Variants in PAXBP1 observed in about 807,000 individuals in gnomAD.
The protein encoded by PAXBP1 is PAX3- and PAX7-binding protein 1.
In PAXBP1, 44 loss-of-function variants were observed where a neutral mutation model predicts 119.9. The ratio of observed to expected loss-of-function variants is 0.37; its 90% confidence interval spans 0.29 to 0.47. The LOEUF (loss-of-function observed/expected upper bound fraction) is 0.47, where lower values mean the gene tolerates loss of function less well. PAXBP1 is among the 20% of genes least tolerant of loss of function. The probability of loss-of-function intolerance (pLI) is 0.99; values close to 1 mark genes in which losing one functional copy is unlikely to be tolerated. For synonymous variants in PAXBP1, 393 were observed against 406.6 expected (o/e 0.97, Z 0.40); for missense variants, 898 against 1,134.1 (o/e 0.79, Z 2.99).
intron 13 of PAXBP1, among the ~76,000 whole-genome samples, chr21:32,744,260 T>TA (rs762993580): frequency 0.24 from 13,513 of 56,836 alleles, 847 homozygotes; most frequent in Middle Eastern, 0.28. Context: ...GCTGATGAGC[T>TA]AAAAAAAAAA....
At chr21:32,755,127 TAAAAAA>T in intron 8 of PAXBP1, 97 bp downstream of exon 8, 2 of 985,788 alleles carry the variant, frequency 2.0e-6, no homozygotes, top group African/African-American at 1.8e-5. Context: ...ATTGTTTCTT[TAAAAAA>T]AAAAAAAAAA....
intron 15 of PAXBP1, among the ~76,000 whole-genome samples, chr21:32,741,186 T>C (rs1036887859): frequency 1.3e-5 from 2 of 152,218 alleles, no homozygotes; most frequent in African/African-American, 4.8e-5. Flanking sequence ...TTCACCCAAA[T>C]GAAATGAAAC....
chr21:32,750,906 A>G lies in PAXBP1; in HGVS notation c.1723+11T>C. ...CTGATGATGAGTCTTATTTCCAAATAAATGTCTAACCTTTTTCCAGATTGA... is the reference window on the plus strand; with the variant it reads ...CTGATGATGAGTCTTATTTCCAAATGAATGTCTAACCTTTTTCCAGATTGA... On this transcript the variant is annotated intron_variant, in intron 10 of 17. Transcript: ENST00000331923. 6.3e-7 allele frequency: 1 copy of G among 1,586,572 alleles called. No individual in the cohort carries two copies. The highest frequency in any genetic ancestry group is 8.6e-7 in the Non-Finnish European group (1 of 1,160,246).
intron 7 of PAXBP1, among the ~76,000 whole-genome samples, chr21:32,757,075 A>G (rs1238925667): frequency 6.6e-6 from 1 of 152,226 alleles, no homozygotes; most frequent in African/African-American, 2.4e-5. Flanking sequence ...ACAGGGAAAC[A>G]AAAACAATGG....
In PAXBP1 at chr21:32,738,250, C is replaced by A; in HGVS notation, c.2404G>T (p.Gly802Cys). The A allele has an allele frequency of 6.2e-7, 1 of 1,602,542 alleles. No individual in the cohort carries two copies. Among genetic ancestry groups the A allele is most frequent in the African/African-American group, 1.3e-5 (1 of 74,376 alleles). Residue 802 changes from glycine to cysteine, a missense_variant, in exon 16 of 18, where the codon GGT becomes TGT. Transcript: ENST00000331923. Reference sequence around the variant, plus strand: ...ATGAGAATATATCGATTTAATAAACCATCTATTGATAACTCTTGCAGAGTT... The same window carrying A: ...ATGAGAATATATCGATTTAATAAACAATCTATTGATAACTCTTGCAGAGTT... Reference protein sequence around the residue: ...NKTLQELSIDGLLNRYILMAF... With the variant: ...NKTLQELSIDCLLNRYILMAF...
chr21:32,759,791 T>C lies in PAXBP1; in HGVS notation c.1179A>G (p.Lys393=), dbSNP rs910092458. 4.3e-6 allele frequency: 7 copies of C among 1,613,426 alleles called. No homozygotes were observed. In the African/African-American group the frequency reaches 5.3e-5, roughly 12 times the overall value. Residue 393 remains lysine (K), a synonymous_variant, in exon 6 of 18, where the codon AAA becomes AAG. Transcript: ENST00000331923. ...ATCTGCCCTACCTGTCTTTAAGCTGTTTCTTTACCAAATCAATAGTAACGG... is the reference window on the plus strand; with the variant it reads ...ATCTGCCCTACCTGTCTTTAAGCTGCTTCTTTACCAAATCAATAGTAACGG... ...MTPVTIDLVK[K]QLKDRLDSMK... is the part of the protein sequence containing the mutation.
At chr21:32,748,212 T>A (rs2043903759) in intron 11 of PAXBP1, among the ~76,000 whole-genome samples, 1 of 152,158 alleles carries the variant, frequency 6.6e-6, no homozygotes, top group Non-Finnish European at 1.5e-5. Flanking sequence ...ACTATTCATG[T>A]TCATATCCCA....
chr21:32,736,806 T>G (rs1049898710), intron 17 of PAXBP1, among the ~76,000 whole-genome samples: 8 of 152,216 alleles, frequency 5.3e-5, no homozygotes, highest in Non-Finnish European at 1.2e-4. Flanking sequence ...TCACTCACTC[T>G]TTTCTTACAA....
chr21:32,748,819 G>A lies in PAXBP1; in HGVS notation c.1724-121C>T, dbSNP rs1021057312. 141 of 773,042 alleles carry A rather than the reference G, an allele frequency of 1.8e-4. No individual in the cohort carries two copies. In the Middle Eastern group the frequency reaches 2.8e-3, roughly 15 times the overall value. 47.9% of individuals were successfully genotyped at this position (773,042 alleles called of 1,614,324 possible). On this transcript the variant is annotated intron_variant, in intron 10 of 17. Transcript: ENST00000331923. ...TCAGAAGATACGCTCATTAACAAAG[G>A]GCCAATTGTTAGTCACAATTTAGAA... is the stretch of plus-strand genomic sequence containing the variant.
At chr21:32,742,087 G>A (rs2043794993) in intron 15 of PAXBP1, among the ~76,000 whole-genome samples, 1 of 152,104 alleles carries the variant, frequency 6.6e-6, no homozygotes. Context: ...AGGGGCTTGT[G>A]GTGACCTTGA....
At chr21:32,754,096 A>G (rs2044005570) in intron 8 of PAXBP1, among the ~76,000 whole-genome samples, 1 of 152,188 alleles carries the variant, frequency 6.6e-6, no homozygotes, top group South Asian at 2.1e-4. Flanking sequence ...AGACTACCTC[A>G]GCTATGAGGG....
chr21:32,754,259 C>T (rs936473137), intron 8 of PAXBP1, among the ~76,000 whole-genome samples: 5 of 152,246 alleles, frequency 3.3e-5, no homozygotes, highest in South Asian at 4.1e-4. Context: ...CATTTGATCA[C>T]CTGGAGAGAT....
intron 15 of PAXBP1, chr21:32,743,012 A>G (rs1189878726): frequency 1.6e-6 from 1 of 618,620 alleles, no homozygotes. Context: ...TGGCTTAGTC[A>G]GGCATTTCGT....
Position 32,739,938 on chromosome 21 carries a change from T to TAAAAA in PAXBP1, c.2335-1624_2335-1620dup, listed in dbSNP as rs756477858. Among the ~76,000 whole-genome samples the TAAAAA allele has an allele frequency of 6.4e-3, 300 of 47,018 alleles. 17 individuals carry two copies. The highest frequency in any genetic ancestry group is 0.024 in the African/African-American group (262 of 10,960). 30.8% of individuals were successfully genotyped at this position (47,018 alleles called of 152,430 possible). A position where few individuals can be genotyped will look rare whatever the true frequency, so the allele number is the denominator to read the frequency against. ...TAGGCAACACAAGACCTCGTCTCTT[T>TAAAAA]AAAAAAAAAAAAAAAAAAAAAAAAA... On this transcript the variant is annotated intron_variant, in intron 15 of 17. Transcript: ENST00000331923.
intron 14 of PAXBP1, 26 bp from the exon 15 acceptor site, chr21:32,743,340 C>T (rs1569155911): frequency 2.1e-6 from 3 of 1,445,314 alleles, no homozygotes; most frequent in African/African-American, 2.9e-5. Flanking sequence ...AGAAACATAT[C>T]ATGATCAGAT....
chr21:32,761,634 A>G (rs1275468912), intron 4 of PAXBP1, among the ~76,000 whole-genome samples: 18 of 152,248 alleles, frequency 1.2e-4, no homozygotes. Flanking sequence ...TTACTTGACT[A>G]TAATATCAAA....
chr21:32,741,449 T>C, intron 15 of PAXBP1: 3 of 664,176 alleles, frequency 4.5e-6, no homozygotes, highest in Admixed American at 2.1e-5. Flanking sequence ...ATGTTTAGGT[T>C]TAACGAAATA....
At chr21:32,750,779 T>C (rs552683811) in intron 10 of PAXBP1, 138 bp downstream of exon 10, 2 of 627,816 alleles carry the variant, frequency 3.2e-6, no homozygotes, top group South Asian at 2.2e-5. Flanking sequence ...TAAAAAGGCA[T>C]GCAAATTTCT....
Position 32,759,459 on chromosome 21 carries a change from T to G in PAXBP1, c.1194-190A>C, listed in dbSNP as rs563604421. The G allele has an allele frequency of 2.3e-4, 159 of 686,608 alleles. No individual in the cohort carries two copies. The African/African-American group carries it at 2.5e-3, about 11-fold the overall frequency. The allele number at this position is 686,608 out of a possible 1,614,324, so 42.5% of individuals were successfully genotyped here. On this transcript the variant is annotated intron_variant, in intron 6 of 17. Coordinates refer to ENST00000331923, the MANE Select transcript of PAXBP1 (RefSeq NM_016631.4). ...ATGGCAGTTTACAGATTTCACAGTTTTGTGGGCTAACCAAAATCTCACTGT... is the reference window on the plus strand; with the variant it reads ...ATGGCAGTTTACAGATTTCACAGTTGTGTGGGCTAACCAAAATCTCACTGT...
Sources: allele counts gnomAD v4.1 joint callset (sites outside exome capture counted in the v4.1 genomes callset), GRCh38; gene constraint gnomAD v4.1.1; transcripts MANE v1.5; gene names NCBI Gene and HGNC (gene_info 2026-07-23, HGNC 2026-07-21).